TRAPPC13: variants seen among roughly 807,000 people sequenced by gnomAD.
The protein encoded by TRAPPC13 is REV7-interacting novel NHEJ regulator 1.
TRAPPC13 carries 39 observed loss-of-function variants against 54.0 expected under a neutral mutation model. That is an observed-to-expected ratio of 0.72 (90% CI 0.56 to 0.94). TRAPPC13 has a LOEUF of 0.94. Among genes scored for constraint, TRAPPC13 ranks in the 40% least tolerant of loss-of-function variants. The pLI, the probability that TRAPPC13 is intolerant of heterozygous loss-of-function variation, is 0.00. For missense variants in TRAPPC13, 386 were observed against 488.1 expected, an observed-to-expected ratio of 0.79 and a Z score of 1.97; for synonymous variants, 148 against 167.7, an observed-to-expected ratio of 0.88 and a Z score of 0.91.
intron 5 of TRAPPC13, among the ~76,000 whole-genome samples, chr5:65,649,176 A>G (rs1429410206): frequency 1.3e-5 from 2 of 152,162 alleles, no homozygotes; most frequent in African/African-American, 4.8e-5. Flanking sequence ...TGATCACGCC[A>G]CTGCTCTTCA....
chr5:65,660,804 T>A lies in TRAPPC13; in HGVS notation c.804T>A (p.Ile268=). ...KNEFAEKAGI[I]KGVTVIGKLD... ...AATTTGCAGAAAAAGCAGGCATCAT[T>A]AAGGGAGTAACAGTAATTGGAAAAT... Residue 268 remains isoleucine (I), a synonymous_variant, in exon 10 of 13, where the codon ATT becomes ATA. Transcript: ENST00000399438. The A allele has an allele frequency of 6.2e-7, 1 of 1,613,746 alleles. No homozygotes were observed. The highest frequency in any genetic ancestry group is 8.5e-7 in the Non-Finnish European group (1 of 1,179,754).
At chr5:65,626,464 C>T (rs1463152008) in intron 1 of TRAPPC13, among the ~76,000 whole-genome samples, 1 of 152,214 alleles carries the variant, frequency 6.6e-6, no homozygotes, top group African/African-American at 2.4e-5. Context: ...TGCAGCCGCG[C>T]GTGGTGGCTC....
intron 5 of TRAPPC13, among the ~76,000 whole-genome samples, chr5:65,650,132 A>G (rs1162102043): frequency 1.4e-5 from 2 of 143,028 alleles, no homozygotes; most frequent in Non-Finnish European, 3.0e-5. Flanking sequence ...TGCTGGGATT[A>G]CAGGCATGAG....
intron 4 of TRAPPC13, among the ~76,000 whole-genome samples, chr5:65,644,923 G>A (rs891527756): frequency 1.3e-5 from 2 of 151,166 alleles, no homozygotes; most frequent in African/African-American, 2.4e-5. Flanking sequence ...AGGGCTGGGC[G>A]CGGTGGCTCA....
At chr5:65,658,295 A>G (rs1756721690) in intron 8 of TRAPPC13, 73 bp from the exon 9 acceptor site, 1 of 1,418,306 alleles carries the variant, frequency 7.1e-7, no homozygotes, top group Non-Finnish European at 9.5e-7. Context: ...CTTCATATAG[A>G]TAAGATATTT....
Position 65,639,474 on chromosome 5 carries a change from A to G in TRAPPC13, c.300+1694A>G, listed in dbSNP as rs190125226. ...CAGGAGTTCAAGACCAGCCTGGGAA[A>G]CATAACGAGACTCCCATCTCTACAA... On this transcript the variant is annotated intron_variant, in intron 4 of 12. Transcript: ENST00000399438. Among the ~76,000 whole-genome samples, 52 of 152,308 alleles carry G rather than the reference A, an allele frequency of 3.4e-4. 1 individual carries two copies. The East Asian group carries it at 9.4e-3, about 28-fold the overall frequency.
chr5:65,639,094 A>G (rs1755871549), intron 4 of TRAPPC13, among the ~76,000 whole-genome samples: 1 of 151,998 alleles, frequency 6.6e-6, no homozygotes, highest in Admixed American at 6.6e-5. Flanking sequence ...TCCCCCAAAA[A>G]ATAAAAATAA....
At chr5:65,627,333 A>AAGTTC (rs200109451) in intron 1 of TRAPPC13, among the ~76,000 whole-genome samples, 3,699 of 152,076 alleles carry the variant, frequency 0.024, 74 homozygotes, top group Admixed American at 0.056. Context: ...GTGGTCATTT[A>AAGTTC]AGTTCACTTT....
At chr5:65,632,057 G>A (rs645823) in intron 1 of TRAPPC13, among the ~76,000 whole-genome samples, 38,203 of 151,828 alleles carry the variant, frequency 0.25, 5,100 homozygotes, top group Non-Finnish European at 0.3. Flanking sequence ...ACCAGCCTGG[G>A]CAACATGGTG....
chr5:65,644,785 G>T (rs1313771486), intron 4 of TRAPPC13, among the ~76,000 whole-genome samples: 2 of 151,818 alleles, frequency 1.3e-5, no homozygotes, highest in Non-Finnish European at 2.9e-5. Flanking sequence ...GGAGGCTGAG[G>T]CAGGACAATC....
chr5:65,635,985 G>T lies in TRAPPC13; in HGVS notation c.157G>T (p.Val53Phe). 6.2e-7 allele frequency: 1 copy of T among 1,601,812 alleles called. No homozygotes were observed. Among genetic ancestry groups the T allele is most frequent in the South Asian group, 1.1e-5 (1 of 88,492 alleles). ...NQLMRDDPST[V>F]NGAEVLMLGE... ...GCTGATGAGAGATGATCCTTCAACC[G>T]TTAATGGTGCAGAAGTTTTAATGTT... The change falls in exon 3 of 13, where the codon GTT becomes TTT. Residue 53 changes from valine to phenylalanine, a missense_variant. Transcript: ENST00000399438.
intron 1 of TRAPPC13, among the ~76,000 whole-genome samples, chr5:65,628,313 A>G (rs1333508822): frequency 6.6e-6 from 1 of 152,192 alleles, no homozygotes; most frequent in African/African-American, 2.4e-5. Context: ...GATTATGAGG[A>G]GAAGACAGTG....
intron 5 of TRAPPC13, 124 bp downstream of exon 5, chr5:65,647,306 A>AT: frequency 2.7e-6 from 2 of 739,822 alleles, no homozygotes; most frequent in Non-Finnish European, 4.1e-6. Context: ...TTTATGTTCT[A>AT]TGTTGGCATG....
chr5:65,653,895 A>G (rs1171773622), intron 7 of TRAPPC13, among the ~76,000 whole-genome samples: 1 of 152,188 alleles, frequency 6.6e-6, no homozygotes, highest in Non-Finnish European at 1.5e-5. Flanking sequence ...ACTGTTGATT[A>G]ATTACAGTAT....
At chr5:65,631,261 G>T (rs752252743) in intron 1 of TRAPPC13, among the ~76,000 whole-genome samples, 21 of 152,188 alleles carry the variant, frequency 1.4e-4, no homozygotes, top group Non-Finnish European at 2.6e-4. Flanking sequence ...GAAGCTCAGT[G>T]CCTGTCATGG....
At chr5:65,627,625 C>CA (rs77913020) in intron 1 of TRAPPC13, among the ~76,000 whole-genome samples, 5,289 of 120,306 alleles carry the variant, frequency 0.044, 276 homozygotes, top group African/African-American at 0.14. Context: ...GACTCTGTCT[C>CA]AAAAAAAAAA....
At position 65,637,678 on chromosome 5, in the gene TRAPPC13, A is replaced by T; in HGVS notation, c.216-18A>T. On this transcript the variant is annotated intron_variant, in intron 3 of 12. Transcript: ENST00000399438. The stretch of plus-strand genomic sequence containing the variant: ...AACCTGAATGGATTTCTGCCTAAAT[A>T]CTTATTTTATTTTACAGGAATATAT... The T allele has an allele frequency of 7.2e-7, 1 of 1,394,688 alleles. No individual in the cohort carries two copies. Among genetic ancestry groups the T allele is most frequent in the Non-Finnish European group, 9.9e-7 (1 of 1,008,950 alleles). 86.4% of individuals were successfully genotyped at this position (1,394,688 alleles called of 1,614,324 possible). A position where few individuals can be genotyped will look rare whatever the true frequency, so the allele number is the denominator to read the frequency against.
intron 4 of TRAPPC13, among the ~76,000 whole-genome samples, chr5:65,645,438 A>G (rs974614469): frequency 5.3e-5 from 8 of 152,220 alleles, no homozygotes; most frequent in African/African-American, 1.7e-4. Context: ...TGAATATAAC[A>G]AAAGACACAG....
At chr5:65,639,805 A>G (rs1025029489) in intron 4 of TRAPPC13, among the ~76,000 whole-genome samples, 10 of 152,236 alleles carry the variant, frequency 6.6e-5, no homozygotes, top group African/African-American at 2.4e-4. Flanking sequence ...AAGATAGAAT[A>G]TGCTAACTCC....
Sources: gnomAD v4.1 joint callset for allele counts (sites outside exome capture counted in the v4.1 genomes callset) on GRCh38, gnomAD v4.1.1 for gene constraint, MANE v1.5 for transcripts, NCBI Gene and HGNC (gene_info 2026-07-23, HGNC 2026-07-21) for gene names.